Variants in FAAH2 observed in about 807,000 individuals in gnomAD.
The protein encoded by FAAH2 is fatty-acid amide hydrolase 2.
In FAAH2, 60 loss-of-function variants were observed where a neutral mutation model predicts 36.9. That is an observed-to-expected ratio of 1.63 (90% CI 1.32 to 2.02). FAAH2 has a LOEUF of 2.02. Ranked by LOEUF, FAAH2 falls within the 30% of genes most tolerant of loss-of-function variation. The probability of loss-of-function intolerance (pLI) is 0.00; values close to 1 mark genes in which losing one functional copy is unlikely to be tolerated. For missense variants in FAAH2, 689 were observed against 397.5 expected, an observed-to-expected ratio of 1.73 and a Z score of -6.23; for synonymous variants, 214 against 143.8, an observed-to-expected ratio of 1.49 and a Z score of -3.49.
chrX:57,271,596 G>A, the FAAH2 span, among the ~76,000 whole-genome samples: 1 of 112,158 alleles, frequency 8.9e-6, no homozygotes, highest in Non-Finnish European at 1.9e-5. Flanking sequence ...CTGCTCTGCA[G>A]CCTCCACTGG....
chrX:57,220,412 A>G, the FAAH2 span, among the ~76,000 whole-genome samples: 2 of 110,512 alleles, frequency 1.8e-5, no homozygotes, highest in Middle Eastern at 4.7e-3. Context: ...ACTGCCTATT[A>G]ACTCAACCGC....
intron 5 of FAAH2, among the ~76,000 whole-genome samples, chrX:57,352,070 A>G (rs760980583): frequency 0.62 from 23,055 of 37,409 alleles, 7,497 homozygotes; most frequent in Non-Finnish European, 0.77. Context: ...ATATATACAC[A>G]TATATATATG....
intron 8 of FAAH2, among the ~76,000 whole-genome samples, chrX:57,441,574 T>G (rs1014891596): frequency 9.0e-6 from 1 of 110,701 alleles, no homozygotes; most frequent in Non-Finnish European, 1.9e-5. Flanking sequence ...CACTGATTTT[T>G]TGAAGCGTTT....
the FAAH2 span, among the ~76,000 whole-genome samples, chrX:57,125,699 G>C: frequency 8.9e-6 from 1 of 111,734 alleles, no homozygotes; most frequent in Non-Finnish European, 1.9e-5. Flanking sequence ...TTCAGATTTA[G>C]TTAATTTGTT....
chrX:57,160,256 A>T, the FAAH2 span, among the ~76,000 whole-genome samples: 6 of 111,112 alleles, frequency 5.4e-5, no homozygotes, highest in African/African-American at 1.6e-4. Context: ...TTTATTGAGG[A>T]TTTTTGCATC....
chrX:57,157,568 C>A, the FAAH2 span, among the ~76,000 whole-genome samples: 6 of 111,547 alleles, frequency 5.4e-5, no homozygotes, highest in Admixed American at 9.5e-5. Context: ...ACAGATTCTT[C>A]TGGCTGCCCT....
intron 7 of FAAH2, chrX:57,395,482 C>G: frequency 2.3e-6 from 1 of 438,417 alleles, no homozygotes. Context: ...AATGCTTTAA[C>G]CTTATCCTCA....
the FAAH2 span, among the ~76,000 whole-genome samples, chrX:57,212,192 C>T: frequency 1.8e-5 from 2 of 111,755 alleles, no homozygotes; most frequent in Non-Finnish European, 3.8e-5. Flanking sequence ...TGTGATTATC[C>T]CACTGCACCC....
At chrX:57,331,152 C>A (rs1283927712) in intron 3 of FAAH2, among the ~76,000 whole-genome samples, 1 of 111,948 alleles carries the variant, frequency 8.9e-6, no homozygotes, top group African/African-American at 3.2e-5. Context: ...GGCATCAAGT[C>A]TTCCAGGCTC....
At position 57,331,749 on chromosome X, in the gene FAAH2, G is replaced by T. The variant is rs747707346; in HGVS notation, c.564G>T (p.Lys188Asn). 5 of 1,211,418 alleles carry T rather than the reference G, an allele frequency of 4.1e-6. No individual in the cohort carries two copies. The highest frequency in any genetic ancestry group is 4.5e-6 in the Non-Finnish European group (4 of 895,428). ...ELCMWYESSNKIYGRSNNPYD... is the reference protein window; with the variant it reads ...ELCMWYESSNNIYGRSNNPYD... ...GTATGTGGTATGAATCCAGTAACAA[G>T]ATCTATGGCCGATCAAACAACCCAT... The change falls in exon 4 of 11, where the codon AAG becomes AAT. Residue 188 changes from lysine (K) to asparagine (N), a missense_variant. Lys to Asn is a moderately conservative substitution (Grantham distance 94). Coordinates refer to ENST00000374900, the MANE Select transcript of FAAH2 (RefSeq NM_174912.4).
chrX:57,297,403 T>C (rs1602189725), intron 2 of FAAH2, among the ~76,000 whole-genome samples: 1 of 110,683 alleles, frequency 9.0e-6, no homozygotes. Flanking sequence ...AAGCAAATGC[T>C]GAGAGATTTT....
the FAAH2 span, among the ~76,000 whole-genome samples, chrX:57,159,398 G>C: frequency 9.0e-6 from 1 of 111,532 alleles, no homozygotes; most frequent in Non-Finnish European, 1.9e-5. Flanking sequence ...TAGCTTGATG[G>C]GGATGGCATT....
At chrX:57,352,561 G>A (rs1184857357) in intron 5 of FAAH2, among the ~76,000 whole-genome samples, 1 of 110,572 alleles carries the variant, frequency 9.0e-6, no homozygotes, top group Non-Finnish European at 1.9e-5. Context: ...AACAAAGCGA[G>A]AATACCCATG....
At chrX:57,274,372 C>T in the FAAH2 span, among the ~76,000 whole-genome samples, 1 of 112,034 alleles carries the variant, frequency 8.9e-6, no homozygotes, top group Admixed American at 9.4e-5. Flanking sequence ...CTATTCCAAT[C>T]AATAGAAAAA....
At position 57,394,012 on chromosome X, in the gene FAAH2, A is replaced by G. The variant is rs969024017; in HGVS notation, c.996+12983A>G. The G allele has an allele frequency of 5.2e-5, 39 of 754,920 alleles. No individual in the cohort carries two copies. The Admixed American group carries it at 8.4e-4, about 16-fold the overall frequency. The allele number at this position is 754,920 out of a possible 1,213,427, so 62.2% of individuals were successfully genotyped here. ...TCACTCCATTTACTGATGGCACCAA[A>G]TGAGTAAAGGTAGCCTTGTCTGTCT... is the stretch of plus-strand genomic sequence containing the variant. On this transcript the variant is annotated intron_variant, in intron 7 of 10. Transcript: ENST00000374900.
intron 5 of FAAH2, among the ~76,000 whole-genome samples, chrX:57,352,969 G>A (rs755096871): frequency 9.1e-6 from 1 of 110,296 alleles, no homozygotes; most frequent in Non-Finnish European, 1.9e-5. Flanking sequence ...AAAAACAAAT[G>A]GAAGAACATT....
intron 2 of FAAH2, among the ~76,000 whole-genome samples, chrX:57,298,818 A>G (rs1322425240): frequency 1.0e-5 from 1 of 97,909 alleles, no homozygotes; most frequent in Non-Finnish European, 2.1e-5. Context: ...TCAGACTACT[A>G]TAAACACCTG....
At chrX:57,249,406 C>T in the FAAH2 span, among the ~76,000 whole-genome samples, 4 of 112,142 alleles carry the variant, frequency 3.6e-5, no homozygotes, top group Non-Finnish European at 7.5e-5. Flanking sequence ...TTACACACAC[C>T]TTGTTCCAGG....
At chrX:57,311,190 C>T (rs955512812) in intron 3 of FAAH2, among the ~76,000 whole-genome samples, 1 of 110,708 alleles carries the variant, frequency 9.0e-6, no homozygotes, top group Admixed American at 9.6e-5. Flanking sequence ...ACCCATAAGT[C>T]AAAGAAATAA....
Sources: allele counts gnomAD v4.1 joint callset (sites outside exome capture counted in the v4.1 genomes callset), GRCh38; gene constraint gnomAD v4.1.1; transcripts MANE v1.5; gene names NCBI Gene and HGNC (gene_info 2026-07-23, HGNC 2026-07-21).